MPDZ: variants seen among roughly 807,000 people sequenced by gnomAD.
The protein encoded by MPDZ is multiple PDZ domain protein.
MPDZ carries 234 observed loss-of-function variants against 239.1 expected under a neutral mutation model. That is an observed-to-expected ratio of 0.98 (90% CI 0.88 to 1.09). The LOEUF (loss-of-function observed/expected upper bound fraction) is 1.09. Among genes scored for constraint, MPDZ ranks in the 50% least tolerant of loss-of-function variants. MPDZ has a pLI of 0.00. For synonymous variants in MPDZ, 1,048 were observed against 881.3 expected (o/e 1.19, Z -3.35); for missense variants, 3,175 against 2,510.0 (o/e 1.26, Z -5.66).
chr9:13,128,712 A>T (rs1213032201), intron 32 of MPDZ, among the ~76,000 whole-genome samples: 1 of 152,230 alleles, frequency 6.6e-6, no homozygotes, highest in Non-Finnish European at 1.5e-5. Context: ...AAAAGTAGAC[A>T]CATGATCTGA....
At chr9:13,216,200 T>G (rs1958313772) in intron 10 of MPDZ, among the ~76,000 whole-genome samples, 1 of 151,730 alleles carries the variant, frequency 6.6e-6, no homozygotes, top group African/African-American at 2.4e-5. Flanking sequence ...GAAATTAAAG[T>G]TGGGCTCTTC....
Position 13,112,207 on chromosome 9 carries a change from A to C in MPDZ, c.5602-61T>G. On this transcript the variant is annotated intron_variant, in intron 42 of 46. Transcript: ENST00000319217. The stretch of plus-strand genomic sequence containing the variant: ...GATATTTTTCATTGACCTTTTGTTT[A>C]TTCTTTGGCATGATATCTATAGTCA... The C allele has an allele frequency of 2.0e-6, 3 of 1,494,568 alleles. No individual in the cohort carries two copies. The South Asian group carries it at 4.1e-5, about 20-fold the overall frequency. 92.6% of individuals were successfully genotyped at this position (1,494,568 alleles called of 1,614,324 possible). A position where few individuals can be genotyped will look rare whatever the true frequency, so the allele number is the denominator to read the frequency against.
intron 21 of MPDZ, among the ~76,000 whole-genome samples, chr9:13,174,405 A>G (rs894513125): frequency 6.6e-6 from 1 of 152,224 alleles, no homozygotes; most frequent in African/African-American, 2.4e-5. Context: ...GTTCTCAGAT[A>G]GGCTTTGCAA....
intron 25 of MPDZ, among the ~76,000 whole-genome samples, chr9:13,149,480 T>C (rs947242236): frequency 6.6e-6 from 1 of 152,104 alleles, no homozygotes; most frequent in African/African-American, 2.4e-5. Flanking sequence ...CTGTAAATCC[T>C]GAAAACTCAG....
chr9:13,140,393 CATAT>C (rs535672637), intron 27 of MPDZ, among the ~76,000 whole-genome samples: 6 of 136,548 alleles, frequency 4.4e-5, no homozygotes, highest in Non-Finnish European at 7.7e-5. Flanking sequence ...TATATATATA[CATAT>C]ATATATATAT....
rs1945184053 is a variant in MPDZ, at chr9:13,126,751, C to T, written c.4486G>A (p.Ala1496Thr). The change falls in exon 33 of 47, where the codon GCT (alanine) becomes ACT (threonine). Residue 1496 changes from alanine to threonine, a missense_variant. Transcript: ENST00000319217. ...LPKDQGGLGI[A>T]ISEEDTLSGV... ...CTGAGTGTATCTTCTTCGCTGATAG[C>T]AATACCCAAACCCCCCTGATCCTAG... 6.2e-7 allele frequency: 1 copy of T among 1,613,846 alleles called. No homozygotes were observed. Among genetic ancestry groups the T allele is most frequent in the African/African-American group, 1.3e-5 (1 of 75,026 alleles).
At chr9:13,235,926 T>C (rs929755386) in intron 3 of MPDZ, among the ~76,000 whole-genome samples, 6 of 152,028 alleles carry the variant, frequency 3.9e-5, no homozygotes, top group Admixed American at 2.0e-4. Flanking sequence ...ACCTGGATGA[T>C]CAATAACCTA....
intron 39 of MPDZ, among the ~76,000 whole-genome samples, chr9:13,119,251 T>C (rs1264125972): frequency 6.6e-6 from 1 of 152,210 alleles, no homozygotes; most frequent in East Asian, 1.9e-4. Flanking sequence ...GCCCAACTAA[T>C]TTTTATATTT....
At chr9:13,218,262 A>G (rs962878587) in intron 8 of MPDZ, among the ~76,000 whole-genome samples, 2 of 151,948 alleles carry the variant, frequency 1.3e-5, no homozygotes, top group Non-Finnish European at 2.9e-5. Context: ...AGAAAATGAC[A>G]GGATGAAATC....
intron 32 of MPDZ, among the ~76,000 whole-genome samples, chr9:13,129,399 G>A (rs1178817971): frequency 6.6e-6 from 1 of 151,960 alleles, no homozygotes; most frequent in South Asian, 2.1e-4. Context: ...GGAGGTGGAG[G>A]ATGCAGTGAG....
chr9:13,264,869 T>C (rs1971470131), intron 1 of MPDZ, among the ~76,000 whole-genome samples: 1 of 152,194 alleles, frequency 6.6e-6, no homozygotes, highest in South Asian at 2.1e-4. Flanking sequence ...ATTTGGCCTC[T>C]TCTGTTCTCT....
chr9:13,133,219 C>A (rs941285229), intron 32 of MPDZ, among the ~76,000 whole-genome samples: 1 of 152,048 alleles, frequency 6.6e-6, no homozygotes, highest in African/African-American at 2.4e-5. Context: ...AAGATGTCAT[C>A]TCTCTTAAAT....
rs921059181 is a variant in MPDZ at position 13,106,345 on chromosome 9, A to G, written c.*620T>C. On this transcript the variant is annotated 3_prime_UTR_variant, in exon 47 of 47. Transcript: ENST00000319217. ...AGGGACATTGCTTCATGTATTTGCC[A>G]TTTACTCAATTGTAGAAACCAATTT... 3 of 152,168 alleles carry G rather than the reference A, an allele frequency of 2.0e-5. No individual in the cohort carries two copies. The highest frequency in any genetic ancestry group is 7.2e-5 in the African/African-American group (3 of 41,458). 9.4% of individuals were successfully genotyped at this position (152,168 alleles called of 1,614,324 possible).
At chr9:13,128,923 C>T (rs766253929) in intron 32 of MPDZ, among the ~76,000 whole-genome samples, 2 of 152,160 alleles carry the variant, frequency 1.3e-5, no homozygotes, top group African/African-American at 4.8e-5. Context: ...GGGAAAAAAA[C>T]GGGCTCTCGA....
chr9:13,243,613 C>G (rs1345296578), intron 3 of MPDZ, among the ~76,000 whole-genome samples: 1 of 151,892 alleles, frequency 6.6e-6, no homozygotes, highest in Non-Finnish European at 1.5e-5. Context: ...TCTCATTTCA[C>G]GAAAAAATTT....
At position 13,150,513 on chromosome 9, in the gene MPDZ, C is replaced by T. The variant is rs758503292; in HGVS notation, c.3628G>A (p.Glu1210Lys). 14 of 1,556,910 alleles carry T rather than the reference C, an allele frequency of 9.0e-6. No individual in the cohort carries two copies. In the Admixed American group the frequency reaches 2.5e-4, roughly 28 times the overall value. ...ACAGAAAGCTCACTAGAGGGTACCT[C>T]TACGATTCTATCTCCAGGTTTCAAG... Reference protein sequence around the residue: ...GTLKPGDRIVEVDGMDLRDAS... With the variant: ...GTLKPGDRIVKVDGMDLRDAS... The change falls in exon 25 of 47, where the codon GAG (glutamate) becomes AAG (lysine). Residue 1210 changes from glutamate (E) to lysine (K), a missense_variant and splice_region_variant. Physicochemically the swap from Glu to Lys is moderately conservative, Grantham distance 56 (BLOSUM62 1). Transcript: ENST00000319217.
intron 19 of MPDZ, 132 bp from the exon 20 acceptor site, chr9:13,176,549 G>T: frequency 3.7e-6 from 3 of 818,456 alleles, no homozygotes; most frequent in Non-Finnish European, 3.5e-6. Context: ...TACTCAAAAA[G>T]CATTAACAAA....
Position 13,125,349 on chromosome 9 carries a change from A to C in MPDZ, c.4674T>G (p.Leu1558=). ...AATCTGGATTCTCAGCATGGATGGT[A>C]AGTTTTACTGTCATCTTTGCTGTCT... The part of the protein sequence containing the change: ...LLKTAKMTVK[L]TIHAENPDSQ... The change falls in exon 35 of 47, where the codon CTT becomes CTG. Residue 1558 remains leucine (L), a synonymous_variant. Transcript: ENST00000319217. The C allele has an allele frequency of 6.2e-7, 1 of 1,613,840 alleles. No homozygotes were observed. The highest frequency in any genetic ancestry group is 1.7e-5 in the Admixed American group (1 of 60,020).
At chr9:13,190,084 T>C (rs1954689434) in intron 16 of MPDZ, 30 bp downstream of exon 16, 3 of 1,585,840 alleles carry the variant, frequency 1.9e-6, no homozygotes, top group East Asian at 4.6e-5. Flanking sequence ...AATAGGCCTT[T>C]AAAAATTGTT....
Sources: allele counts gnomAD v4.1 joint callset (sites outside exome capture counted in the v4.1 genomes callset), GRCh38; gene constraint gnomAD v4.1.1; transcripts MANE v1.5; gene names NCBI Gene and HGNC (gene_info 2026-07-23, HGNC 2026-07-21).